Variants in HNRNPC observed in about 807,000 individuals in gnomAD.
The protein encoded by HNRNPC is heterogeneous nuclear ribonucleoproteins C1/C2.
Under a neutral mutation model 33.2 loss-of-function variants are expected in HNRNPC, and 3 were observed. The observed-to-expected ratio is 0.09, with a 90% CI of 0.04 to 0.23. The LOEUF is 0.23. Ranked by LOEUF, HNRNPC falls within the 10% of genes least tolerant of loss-of-function variation. The pLI is 1.00. For synonymous variants in HNRNPC, 121 were observed against 126.7 expected (o/e 0.96, Z 0.30); for missense variants, 143 against 366.7 (o/e 0.39, Z 4.98).
chr14:21,211,965 G>T, intron 6 of HNRNPC, 42 bp from the exon 7 acceptor site: 1 of 1,468,934 alleles, frequency 6.8e-7, no homozygotes, highest in Non-Finnish European at 9.5e-7. Context: ...CAAATGTACC[G>T]AAGATATGAG....
chr14:21,235,367 A>G (rs984480956), intron 2 of HNRNPC, among the ~76,000 whole-genome samples: 1 of 152,144 alleles, frequency 6.6e-6, no homozygotes, highest in Non-Finnish European at 1.5e-5. Context: ...CGGATGATGT[A>G]AAAAAGTCTA....
chr14:21,256,096 A>T (rs1439741129), intron 2 of HNRNPC, among the ~76,000 whole-genome samples: 1 of 152,198 alleles, frequency 6.6e-6, no homozygotes, highest in African/African-American at 2.4e-5. Flanking sequence ...ATCACAGAAA[A>T]ATTTTTGACT....
intron 2 of HNRNPC, among the ~76,000 whole-genome samples, chr14:21,246,405 A>G (rs1895983536): frequency 1.3e-5 from 2 of 151,944 alleles, no homozygotes; most frequent in Non-Finnish European, 2.9e-5. Flanking sequence ...TAAAAATACA[A>G]AAACAAAAAA....
intron 5 of HNRNPC, among the ~76,000 whole-genome samples, chr14:21,214,632 T>C (rs1891959636): frequency 6.6e-6 from 1 of 152,216 alleles, no homozygotes; most frequent in Non-Finnish European, 1.5e-5. Flanking sequence ...GGTTAATCTC[T>C]TAGTTTAATC....
chr14:21,213,723 A>T (rs1211706807), intron 5 of HNRNPC, among the ~76,000 whole-genome samples: 1 of 152,164 alleles, frequency 6.6e-6, no homozygotes, highest in Non-Finnish European at 1.5e-5. Flanking sequence ...CTGGGTATAA[A>T]TACTACTGAT....
At chr14:21,248,047 G>A (rs1054880113) in intron 2 of HNRNPC, among the ~76,000 whole-genome samples, 5 of 151,738 alleles carry the variant, frequency 3.3e-5, no homozygotes, top group Non-Finnish European at 5.9e-5. Context: ...CACTATGACC[G>A]AACCTTAAAA....
At chr14:21,212,063 A>C in intron 6 of HNRNPC, 140 bp from the exon 7 acceptor site, 1 of 662,078 alleles carries the variant, frequency 1.5e-6, no homozygotes, top group African/African-American at 1.8e-5. Flanking sequence ...TCTCGGTAAT[A>C]AAGGCCCTTG....
At chr14:21,261,808 T>C (rs1046577699) in intron 2 of HNRNPC, among the ~76,000 whole-genome samples, 2 of 152,222 alleles carry the variant, frequency 1.3e-5, no homozygotes, top group South Asian at 2.1e-4. Context: ...CTAAAATGGT[T>C]ATCAAAACAT....
intron 1 of HNRNPC, among the ~76,000 whole-genome samples, chr14:21,267,480 C>A (rs1337323489): frequency 6.6e-6 from 1 of 152,134 alleles, no homozygotes; most frequent in Non-Finnish European, 1.5e-5. Flanking sequence ...CAAACGTAAG[C>A]TGTTTAAATT....
At chr14:21,248,404 A>C (rs1164882333) in intron 2 of HNRNPC, among the ~76,000 whole-genome samples, 1 of 152,204 alleles carries the variant, frequency 6.6e-6, no homozygotes, top group East Asian at 1.9e-4. Flanking sequence ...TGGGAAGTCA[A>C]TCTCTTTGAA....
Position 21,253,031 on chromosome 14 carries a change from G to A in HNRNPC, c.-37+10280C>T, listed in dbSNP as rs151208630. ...TCTACTAAAAATACAAAAATTAGCC[G>A]GGCGTGGTGGAGCGTAACTGTAATC... On this transcript the variant is annotated intron_variant, in intron 2 of 8. Coordinates refer to ENST00000553300, the MANE Select transcript of HNRNPC (RefSeq NM_004500.4). 5.7e-4 allele frequency among the ~76,000 whole-genome samples: 85 copies of A among 148,412 alleles called. 1 individual carries two copies. Among genetic ancestry groups the A allele is most frequent in the African/African-American group, 1.8e-3 (71 of 40,126 alleles).
chr14:21,218,708 A>AAAC lies in HNRNPC; in HGVS notation c.366-5592_366-5591insGTT, dbSNP rs1555351295. Among the ~76,000 whole-genome samples, 266 of 142,610 alleles carry AAAC rather than the reference A, an allele frequency of 1.9e-3. 3 individuals are homozygous for AAAC. The highest frequency in any genetic ancestry group is 3.5e-3 in the Non-Finnish European group (229 of 64,616). 93.6% of individuals were successfully genotyped at this position (142,610 alleles called of 152,430 possible). On this transcript the variant is annotated intron_variant, in intron 5 of 8. Coordinates refer to ENST00000553300, the MANE Select transcript of HNRNPC (RefSeq NM_004500.4). ...AAAAAAAAAAAAAAAAAAAAAAAAA[A>AAAC]CTGAAATTGAGTCACATGCAGTGGC...
chr14:21,253,085 A>G (rs1386346948), intron 2 of HNRNPC, among the ~76,000 whole-genome samples: 2 of 151,642 alleles, frequency 1.3e-5, no homozygotes, highest in African/African-American at 4.8e-5. Context: ...GAGGCAAGGG[A>G]ATCGCTTGAA....
chr14:21,260,945 A>AGAGC (rs1373131964), intron 2 of HNRNPC, among the ~76,000 whole-genome samples: 1 of 145,690 alleles, frequency 6.9e-6, no homozygotes, highest in African/African-American at 2.6e-5. Context: ...CCTGGGAAAC[A>AGAGC]GAGCGAGACT....
Position 21,259,231 on chromosome 14 carries a change from C to G in HNRNPC, c.-37+4080G>C, listed in dbSNP as rs186081989. The stretch of plus-strand genomic sequence containing the variant: ...ACAGAATGAGCTTCACCATTAGCTA[C>G]TTCCACGTAGCTAAGCTTCCCTGGC... On this transcript the variant is annotated intron_variant, in intron 2 of 8. Transcript: ENST00000553300. 9.2e-5 allele frequency among the ~76,000 whole-genome samples: 14 copies of G among 152,324 alleles called. No homozygotes were observed. The East Asian group carries it at 2.7e-3, about 29-fold the overall frequency.
chr14:21,223,083 G>A (rs544078761), intron 5 of HNRNPC, among the ~76,000 whole-genome samples: 2 of 152,012 alleles, frequency 1.3e-5, no homozygotes, highest in East Asian at 3.9e-4. Flanking sequence ...ATGCATGCCT[G>A]TAATCCCAGC....
chr14:21,246,566 C>CAA (rs78962636), intron 2 of HNRNPC, among the ~76,000 whole-genome samples: 968 of 93,614 alleles, frequency 0.01, 12 homozygotes, highest in African/African-American at 0.03. Context: ...GACTCCGTCT[C>CAA]AAAAAAAAAA....
chr14:21,244,965 G>C (rs1015760792), intron 2 of HNRNPC, among the ~76,000 whole-genome samples: 4 of 150,100 alleles, frequency 2.7e-5, no homozygotes, highest in African/African-American at 9.8e-5. Context: ...TGCGCCTGTA[G>C]TCCCAGCTAC....
At chr14:21,215,743 C>A (rs1379084588) in intron 5 of HNRNPC, among the ~76,000 whole-genome samples, 1 of 151,660 alleles carries the variant, frequency 6.6e-6, no homozygotes, top group Non-Finnish European at 1.5e-5. Context: ...ACTAAAAATA[C>A]AAAAATTAGC....
Sources: gnomAD v4.1 joint callset for allele counts (sites outside exome capture counted in the v4.1 genomes callset) on GRCh38, gnomAD v4.1.1 for gene constraint, MANE v1.5 for transcripts, NCBI Gene and HGNC (gene_info 2026-07-23, HGNC 2026-07-21) for gene names.